The following GALNT17 variants were observed in gnomAD, a reference collection of about 807,000 sequenced individuals.
GALNT17 encodes the protein polypeptide N-acetylgalactosaminyltransferase 17, also known as UDP-GalNAc:polypeptide N-acetylgalactosaminyltransferase-like 3.
A neutral mutation model predicts 63.7 loss-of-function variants in GALNT17; 29 were observed. The ratio of observed to expected loss-of-function variants is 0.46; its 90% confidence interval spans 0.34 to 0.62. The LOEUF (loss-of-function observed/expected upper bound fraction) is 0.62, where lower values mean the gene tolerates loss of function less well. Ranked by LOEUF, GALNT17 falls within the 20% of genes least tolerant of loss-of-function variation. The pLI, the probability that GALNT17 is intolerant of heterozygous loss-of-function variation, is 0.01. For synonymous variants in GALNT17, 305 were observed against 318.3 expected (o/e 0.96, Z 0.45); for missense variants, 603 against 799.6 (o/e 0.75, Z 2.97).
chr7:71,331,134 C>T (rs1267350631), intron 1 of GALNT17, among the ~76,000 whole-genome samples: 2 of 152,182 alleles, frequency 1.3e-5, no homozygotes, highest in Non-Finnish European at 2.9e-5. Flanking sequence ...CTTCTGTATG[C>T]CCTGTCTTTT....
intron 2 of GALNT17, among the ~76,000 whole-genome samples, 174 bp downstream of exon 2, chr7:71,335,907 CA>C (rs1404408818): frequency 6.6e-6 from 1 of 151,558 alleles, no homozygotes; most frequent in African/African-American, 2.4e-5. Flanking sequence ...ATTAGCTAAA[CA>C]AAAAAGTTCA....
At chr7:71,525,625 C>G (rs759277194) in intron 5 of GALNT17, among the ~76,000 whole-genome samples, 14 of 150,546 alleles carry the variant, frequency 9.3e-5, no homozygotes, top group Non-Finnish European at 1.6e-4. Flanking sequence ...TGCCTTTTGC[C>G]TTCTGTCATA....
intron 5 of GALNT17, among the ~76,000 whole-genome samples, chr7:71,524,265 T>A (rs1391261413): frequency 6.8e-6 from 1 of 147,692 alleles, no homozygotes; most frequent in East Asian, 1.9e-4. Context: ...TTATATTATA[T>A]ATAATTATAT....
In GALNT17 at chr7:71,333,190, G is replaced by A. The variant is rs553524364; in HGVS notation, c.239-2360G>A. 1.0e-3 allele frequency among the ~76,000 whole-genome samples: 158 copies of A among 152,202 alleles called. 1 individual carries two copies. The highest frequency in any genetic ancestry group is 3.4e-3 in the Middle Eastern group (1 of 294). ...CCCCTTCCCTACTGAAAGCAACCAT[G>A]GATCTACTTTCAGGTTATACAGATT... is the stretch of plus-strand genomic sequence containing the variant. On this transcript the variant is annotated intron_variant, in intron 1 of 10. Transcript: ENST00000333538.
chr7:71,144,833 A>G (rs1356015705), intron 1 of GALNT17, among the ~76,000 whole-genome samples: 1 of 152,092 alleles, frequency 6.6e-6, no homozygotes, highest in African/African-American at 2.4e-5. Context: ...GACTCAAGCA[A>G]TTCTCCTGCC....
At chr7:71,473,782 A>C (rs1787680464) in intron 5 of GALNT17, among the ~76,000 whole-genome samples, 1 of 152,148 alleles carries the variant, frequency 6.6e-6, no homozygotes, top group Admixed American at 6.5e-5. Context: ...CAGGGACTCA[A>C]TTTTATAATC....
chr7:71,559,714 C>T (rs528450064), intron 5 of GALNT17, among the ~76,000 whole-genome samples: 2 of 151,236 alleles, frequency 1.3e-5, no homozygotes, highest in Non-Finnish European at 3.0e-5. Flanking sequence ...GGAAACAATT[C>T]GCAGGGCATG....
intron 6 of GALNT17, among the ~76,000 whole-genome samples, chr7:71,603,512 A>G (rs945125512): frequency 1.3e-5 from 2 of 152,118 alleles, no homozygotes; most frequent in Non-Finnish European, 2.9e-5. Flanking sequence ...TACACTAAGT[A>G]CTATGCTGAG....
At chr7:71,380,810 A>G (rs1412475698) in intron 2 of GALNT17, among the ~76,000 whole-genome samples, 1 of 152,096 alleles carries the variant, frequency 6.6e-6, no homozygotes, top group Non-Finnish European at 1.5e-5. Context: ...GTGAAGACAA[A>G]GAATGGGTTG....
At chr7:71,590,885 G>C (rs2116915826) in intron 6 of GALNT17, among the ~76,000 whole-genome samples, 1 of 152,014 alleles carries the variant, frequency 6.6e-6, no homozygotes, top group East Asian at 1.9e-4. Flanking sequence ...CTGCCACCAA[G>C]CACAAGTGGG....
chr7:71,335,470 T>C (rs1296430921), intron 1 of GALNT17, 80 bp from the exon 2 acceptor site: 3 of 1,338,920 alleles, frequency 2.2e-6, no homozygotes, highest in Non-Finnish European at 3.0e-6. Flanking sequence ...AAAATGTCTG[T>C]TGAAGCTGCA....
intron 2 of GALNT17, among the ~76,000 whole-genome samples, chr7:71,357,762 G>T (rs1379469262): frequency 6.6e-6 from 1 of 152,142 alleles, no homozygotes; most frequent in Admixed American, 6.5e-5. Flanking sequence ...GACTTACTGG[G>T]TTGAGTGGGG....
chr7:71,587,065 T>TC (rs1408365572), intron 6 of GALNT17, among the ~76,000 whole-genome samples: 2 of 152,174 alleles, frequency 1.3e-5, no homozygotes, highest in East Asian at 3.9e-4. Context: ...AGTCAATCTG[T>TC]CACCCAGGCT....
At chr7:71,468,416 T>G (rs984513955) in intron 5 of GALNT17, among the ~76,000 whole-genome samples, 2 of 151,376 alleles carry the variant, frequency 1.3e-5, no homozygotes, top group African/African-American at 4.9e-5. Flanking sequence ...TTTATTTTAT[T>G]TATTATTTTT....
intron 3 of GALNT17, among the ~76,000 whole-genome samples, chr7:71,408,934 GTATTTTATATA>G (rs993455826): frequency 1.1e-4 from 16 of 147,976 alleles, no homozygotes; most frequent in Non-Finnish European, 2.1e-4. Context: ...GTATTTATAT[GTATTTTATATA>G]TATATACTGT....
At chr7:71,215,450 G>A (rs1052101336) in intron 1 of GALNT17, among the ~76,000 whole-genome samples, 17 of 152,142 alleles carry the variant, frequency 1.1e-4, no homozygotes, top group Admixed American at 7.2e-4. Context: ...AAAAAATGAA[G>A]ATAATTTACT....
At chr7:71,404,497 G>A (rs1793293178) in intron 3 of GALNT17, among the ~76,000 whole-genome samples, 2 of 152,122 alleles carry the variant, frequency 1.3e-5, no homozygotes, top group Admixed American at 1.3e-4. Flanking sequence ...CCCATAGTCA[G>A]CAAGTGCATT....
At chr7:71,567,961 C>T (rs1584056398) in intron 5 of GALNT17, among the ~76,000 whole-genome samples, 2 of 152,272 alleles carry the variant, frequency 1.3e-5, no homozygotes, top group Non-Finnish European at 1.5e-5. Flanking sequence ...ATGTGAAGGT[C>T]GAAGTCAAGT....
rs754896515 is a variant in GALNT17, at chr7:71,420,947, G to A, written c.804G>A (p.Lys268=). ...PVLSRIQENR[K]RVILPSIDNI... ...TATCCCGCATCCAGGAAAACCGGAA[G>A]CGTGTGATCCTCCCCTCCATTGACA... Residue 268 remains lysine (K), a synonymous_variant, in exon 5 of 11, where the codon AAG becomes AAA. Coordinates refer to ENST00000333538, the MANE Select transcript of GALNT17 (RefSeq NM_022479.3). 3.7e-6 allele frequency: 6 copies of A among 1,614,152 alleles called. No individual in the cohort carries two copies. The highest frequency in any genetic ancestry group is 5.1e-6 in the Non-Finnish European group (6 of 1,180,020).
Sources: gnomAD v4.1 joint callset for allele counts (sites outside exome capture counted in the v4.1 genomes callset) on GRCh38, gnomAD v4.1.1 for gene constraint, MANE v1.5 for transcripts, NCBI Gene and HGNC (gene_info 2026-07-23, HGNC 2026-07-21) for gene names.